Variants in FBLIM1 observed in about 807,000 individuals in gnomAD.
The protein encoded by FBLIM1 is filamin-binding LIM protein 1.
A neutral mutation model predicts 37.4 loss-of-function variants in FBLIM1; 29 were observed. The ratio of observed to expected loss-of-function variants is 0.77; its 90% CI spans 0.58 to 1.06. FBLIM1 has a LOEUF of 1.06. Among genes scored for constraint, FBLIM1 ranks in the 50% least tolerant of loss-of-function variants. The pLI, the probability that FBLIM1 is intolerant of heterozygous loss-of-function variation, is 0.00. For synonymous variants in FBLIM1, 193 were observed against 199.0 expected (o/e 0.97, Z 0.25); for missense variants, 449 against 505.6 (o/e 0.89, Z 1.07).
intron 6 of FBLIM1, among the ~76,000 whole-genome samples, chr1:15,772,670 C>T (rs1046647313): frequency 6.6e-6 from 1 of 152,072 alleles, no homozygotes; most frequent in African/African-American, 2.4e-5. Context: ...TGCATGTATA[C>T]CAGCCAGGCG....
At chr1:15,775,056 A>C (rs977477095) in intron 7 of FBLIM1, 1 of 669,018 alleles carries the variant, frequency 1.5e-6, no homozygotes. Context: ...GTCTCTACTA[A>C]AAATACAAAA....
chr1:15,766,445 C>T (rs1009751647), intron 3 of FBLIM1, among the ~76,000 whole-genome samples: 5 of 151,972 alleles, frequency 3.3e-5, no homozygotes, highest in African/African-American at 9.7e-5. Context: ...TACAGGCGCC[C>T]ACCATCACAC....
intron 8 of FBLIM1, among the ~76,000 whole-genome samples, chr1:15,778,992 T>C (rs2148645813): frequency 6.6e-6 from 1 of 151,414 alleles, no homozygotes; most frequent in East Asian, 2.0e-4. Flanking sequence ...TAGAGTGCAG[T>C]GGCATGATCT....
chr1:15,770,777 C>T (rs77549645), intron 6 of FBLIM1, among the ~76,000 whole-genome samples, 199 bp downstream of exon 6: 2,210 of 152,318 alleles, frequency 0.015, 40 homozygotes, highest in African/African-American at 0.044. Context: ...ATCACCACAA[C>T]CTTCGTGGCT....
At position 15,785,227 on chromosome 1, in the gene FBLIM1, G is replaced by C. The variant is rs928474293; in HGVS notation, c.*566G>C. The C allele has an allele frequency of 2.0e-5, 3 of 151,882 alleles. No homozygotes were observed. The highest frequency in any genetic ancestry group is 7.3e-5 in the African/African-American group (3 of 41,290). The allele number at this position is 151,882 out of a possible 1,614,324, so 9.4% of individuals were successfully genotyped here. On this transcript the variant is annotated 3_prime_UTR_variant, in exon 9 of 9. Transcript: ENST00000375766. ...CAGGTGCCTGTAATCCCAGCTACTG[G>C]GGAAAGCTGAGGCAGGAGAATTGCT...
chr1:15,757,962 T>C (rs909232343), upstream of FBLIM1: 22 of 152,256 alleles, frequency 1.4e-4, no homozygotes, highest in Non-Finnish European at 2.2e-4. This position sits in a 1 kb window ranked among gnomAD's most constrained non-coding sequence, Gnocchi z 4.1. Context: ...GGCCCTGCCT[T>C]CCAGAGCTCC....
chr1:15,766,310 A>G (rs1469735025), intron 3 of FBLIM1, among the ~76,000 whole-genome samples: 2 of 151,440 alleles, frequency 1.3e-5, no homozygotes, highest in Non-Finnish European at 2.9e-5. Context: ...GTGTGTGTAT[A>G]TTTTGAGACG....
chr1:15,784,341 G>T (rs747637690), intron 8 of FBLIM1, among the ~76,000 whole-genome samples: 8 of 152,180 alleles, frequency 5.3e-5, no homozygotes, highest in Non-Finnish European at 1.0e-4. Flanking sequence ...GTGGATTAAA[G>T]CCTCCATGTG....
rs528976837 is a variant in FBLIM1, at chr1:15,778,213, T to C, written c.1008+926T>C. On this transcript the variant is annotated intron_variant, in intron 8 of 8. Transcript: ENST00000375766. Reference sequence around the variant, plus strand: ...ACAACTGGAGGAAGGGAGAAGAGGATGCTGGACAGATCCACACCACAGTGC... The same window carrying C: ...ACAACTGGAGGAAGGGAGAAGAGGACGCTGGACAGATCCACACCACAGTGC... Among the ~76,000 whole-genome samples, 25 of 151,566 alleles carry C rather than the reference T, an allele frequency of 1.6e-4. 1 individual carries two copies. Among genetic ancestry groups the C allele is most frequent in the African/African-American group, 5.8e-4 (24 of 41,276 alleles).
intron 4 of FBLIM1, among the ~76,000 whole-genome samples, chr1:15,767,915 GCT>G (rs1458843447): frequency 6.6e-6 from 1 of 151,922 alleles, no homozygotes; most frequent in Non-Finnish European, 1.5e-5. Flanking sequence ...ATGGAGTCTC[GCT>G]CTGTCACCCA....
intron 1 of FBLIM1, among the ~76,000 whole-genome samples, chr1:15,761,010 C>T (rs987029406): frequency 9.2e-5 from 14 of 152,170 alleles, no homozygotes; most frequent in South Asian, 2.1e-4. Context: ...CCTGCAGTCA[C>T]TGCTTGGGAG....
In FBLIM1 at chr1:15,777,572, A is replaced by ATT. The variant is rs35178526; in HGVS notation, c.1008+304_1008+305dup. 9.8e-3 allele frequency among the ~76,000 whole-genome samples: 1,188 copies of ATT among 121,558 alleles called. 15 individuals carry two copies. Among genetic ancestry groups the ATT allele is most frequent in the Non-Finnish European group, 0.015 (872 of 58,176 alleles). 79.7% of individuals were successfully genotyped at this position (121,558 alleles called of 152,430 possible). ...GAGCGATGGCATCAGGACTCTCTCC[A>ATT]TTTTTTTTTTTTTTTTTTTTGGACA... On this transcript the variant is annotated intron_variant, in intron 8 of 8. Coordinates refer to ENST00000375766, the MANE Select transcript of FBLIM1 (RefSeq NM_017556.4).
At chr1:15,761,156 C>T (rs949346622) in intron 1 of FBLIM1, among the ~76,000 whole-genome samples, 23 of 152,130 alleles carry the variant, frequency 1.5e-4, no homozygotes, top group Non-Finnish European at 2.4e-4. Context: ...CATCCCGAAG[C>T]CCCACAGCAG....
intron 6 of FBLIM1, among the ~76,000 whole-genome samples, chr1:15,771,155 G>A (rs2069184920): frequency 6.6e-6 from 1 of 151,722 alleles, no homozygotes; most frequent in African/African-American, 2.4e-5. Flanking sequence ...GGCCAGGCTG[G>A]TCTTGAACTC....
chr1:15,780,259 C>T (rs535496372), intron 8 of FBLIM1, among the ~76,000 whole-genome samples: 18 of 151,958 alleles, frequency 1.2e-4, no homozygotes, highest in South Asian at 2.1e-4. Flanking sequence ...AGTACAGTGG[C>T]GCTATCTCGG....
Position 15,767,491 on chromosome 1 carries a change from T to C in FBLIM1, c.366T>C (p.Pro122=), listed in dbSNP as rs1257398465. The C allele has an allele frequency of 7.3e-7, 1 of 1,371,604 alleles. No homozygotes were observed. Among genetic ancestry groups the C allele is most frequent in the Admixed American group, 2.4e-5 (1 of 41,482 alleles). 85.0% of individuals were successfully genotyped at this position (1,371,604 alleles called of 1,614,324 possible). The change falls in exon 4 of 9, where the codon CCT becomes CCC. Residue 122 remains proline, a synonymous_variant. Coordinates refer to ENST00000375766, the MANE Select transcript of FBLIM1 (RefSeq NM_017556.4). The part of the protein sequence containing the change: ...PVLLPSEEEA[P]APMGASLIAD... ...TTCTGCCTTCTGAAGAGGAGGCTCCTGCTCCAATGGGGGCCTCACTCATTG... is the reference window on the plus strand; with the variant it reads ...TTCTGCCTTCTGAAGAGGAGGCTCCCGCTCCAATGGGGGCCTCACTCATTG...
rs2069768777 is a variant in FBLIM1 at position 15,786,459 on chromosome 1, C to T, written c.*1798C>T. On this transcript the variant is annotated 3_prime_UTR_variant, in exon 9 of 9. Transcript: ENST00000375766. ...TGTTCTGTTATTTCACTTAAATCAA[C>T]ATGCTATTTTGTTTTCACTCACTTC... 2 of 152,272 alleles carry T rather than the reference C, an allele frequency of 1.3e-5. No homozygotes were observed. Among genetic ancestry groups the T allele is most frequent in the Admixed American group, 1.3e-4 (2 of 15,280 alleles). 9.4% of individuals were successfully genotyped at this position (152,272 alleles called of 1,614,324 possible). A position where few individuals can be genotyped will look rare whatever the true frequency, so the allele number is the denominator to read the frequency against.
intron 1 of FBLIM1, among the ~76,000 whole-genome samples, chr1:15,761,615 G>A (rs549818074): frequency 2.0e-5 from 3 of 152,302 alleles, no homozygotes; most frequent in African/African-American, 7.2e-5. Flanking sequence ...GCCAGCCTAA[G>A]CATACGTACT....
chr1:15,772,867 G>A (rs373595499), intron 6 of FBLIM1, among the ~76,000 whole-genome samples: 8 of 151,878 alleles, frequency 5.3e-5, no homozygotes, highest in South Asian at 2.1e-4. Context: ...AATAACATGC[G>A]TGCACTGAAA....
Sources: allele counts gnomAD v4.1 joint callset (sites outside exome capture counted in the v4.1 genomes callset), GRCh38; gene constraint gnomAD v4.1.1; non-coding constraint Gnocchi (gnomAD v3.1); transcripts MANE v1.5; gene names NCBI Gene and HGNC (gene_info 2026-07-23, HGNC 2026-07-21).